CTNNA2: variants seen among roughly 807,000 people sequenced by gnomAD.
The protein encoded by CTNNA2 is catenin alpha-2.
CTNNA2 carries 42 observed loss-of-function variants against 101.0 expected under a neutral mutation model. That is an observed-to-expected ratio of 0.42 (90% CI 0.32 to 0.54). The LOEUF (loss-of-function observed/expected upper bound fraction) is 0.54. CTNNA2 is among the 20% of genes least tolerant of loss of function. The pLI is 0.14. For missense variants in CTNNA2, 871 were observed against 1,223.1 expected (o/e 0.71, Z 4.29); for synonymous variants, 450 against 456.4 (o/e 0.99, Z 0.18).
At chr2:79,721,365 A>G (rs1052062599) in intron 2 of CTNNA2, among the ~76,000 whole-genome samples, 5 of 152,196 alleles carry the variant, frequency 3.3e-5, no homozygotes, top group African/African-American at 9.6e-5. Flanking sequence ...GAGCAAAAGT[A>G]TGCTTCTCAG....
At chr2:80,055,308 C>T (rs768224914) in intron 7 of CTNNA2, among the ~76,000 whole-genome samples, 38 of 152,122 alleles carry the variant, frequency 2.5e-4, no homozygotes, top group Non-Finnish European at 4.1e-4. Context: ...GGATTACAGG[C>T]ACTTTTGACA....
chr2:79,246,602 T>C (rs945986555), intron 2 of CTNNA2, among the ~76,000 whole-genome samples: 3 of 152,198 alleles, frequency 2.0e-5, no homozygotes, highest in African/African-American at 4.8e-5. Context: ...GAATGAGACA[T>C]AGGGAAGACC....
chr2:79,304,212 T>G (rs1676179632), intron 2 of CTNNA2, among the ~76,000 whole-genome samples: 1 of 152,162 alleles, frequency 6.6e-6, no homozygotes, highest in Non-Finnish European at 1.5e-5. Context: ...CAAGGGTGAC[T>G]GAAATTCTGC....
At chr2:80,473,385 CTT>C (rs947442976) in intron 9 of CTNNA2, among the ~76,000 whole-genome samples, 20 of 152,140 alleles carry the variant, frequency 1.3e-4, no homozygotes, top group Non-Finnish European at 2.9e-5. Context: ...TCATGAAGGG[CTT>C]TTTCTAAAAT....
At chr2:80,079,532 C>T (rs1698979069) in intron 7 of CTNNA2, among the ~76,000 whole-genome samples, 2 of 152,128 alleles carry the variant, frequency 1.3e-5, no homozygotes, top group Admixed American at 6.6e-5. Flanking sequence ...CAAATGAGTC[C>T]GGCTGGGCGC....
intron 2 of CTNNA2, among the ~76,000 whole-genome samples, chr2:79,275,949 C>T (rs1227473350): frequency 1.3e-5 from 2 of 151,832 alleles, no homozygotes; most frequent in African/African-American, 4.8e-5. Context: ...TAGAATTAGG[C>T]TAGGGAGCAT....
At chr2:79,745,687 T>A (rs1356648223) in intron 3 of CTNNA2, among the ~76,000 whole-genome samples, 2 of 152,166 alleles carry the variant, frequency 1.3e-5, no homozygotes, top group Non-Finnish European at 2.9e-5. Flanking sequence ...TACATATTAG[T>A]CTTTTTTTGA....
chr2:79,434,795 A>G (rs1678696013), intron 4 of CTNNA2, among the ~76,000 whole-genome samples: 1 of 152,120 alleles, frequency 6.6e-6, no homozygotes, highest in Admixed American at 6.5e-5. Context: ...CTGAGCTAAT[A>G]CTTCACCCAC....
intron 2 of CTNNA2, among the ~76,000 whole-genome samples, chr2:79,717,630 T>G (rs1039555496): frequency 2.0e-5 from 3 of 152,192 alleles, no homozygotes; most frequent in Admixed American, 1.3e-4. Context: ...ATGACTCTGA[T>G]TCCAGAACTG....
At chr2:80,275,035 A>G (rs1470963122) in intron 7 of CTNNA2, among the ~76,000 whole-genome samples, 1 of 152,206 alleles carries the variant, frequency 6.6e-6, no homozygotes, top group Middle Eastern at 3.2e-3. Flanking sequence ...GTCACATTAG[A>G]TAATTTAGTT....
At chr2:80,054,847 G>A (rs1005709803) in intron 7 of CTNNA2, among the ~76,000 whole-genome samples, 1 of 152,128 alleles carries the variant, frequency 6.6e-6, no homozygotes, top group Non-Finnish European at 1.5e-5. Flanking sequence ...GTGGGGTACT[G>A]TAAATCTCTC....
At chr2:79,611,305 A>G (rs1476245116) in intron 1 of CTNNA2, among the ~76,000 whole-genome samples, 1 of 152,098 alleles carries the variant, frequency 6.6e-6, no homozygotes, top group African/African-American at 2.4e-5. Context: ...CTGGGCTCCT[A>G]TTATGTTAAC....
intron 4 of CTNNA2, among the ~76,000 whole-genome samples, chr2:79,431,849 C>T (rs966389599): frequency 2.0e-5 from 3 of 152,226 alleles, no homozygotes; most frequent in Admixed American, 1.3e-4. Flanking sequence ...GTTGCTCCTC[C>T]GGTGAACTAT....
chr2:80,018,233 G>A (rs748900648), intron 7 of CTNNA2, among the ~76,000 whole-genome samples: 4 of 152,112 alleles, frequency 2.6e-5, no homozygotes, highest in African/African-American at 7.2e-5. Flanking sequence ...GATACCTCCT[G>A]TCTCAAAAAG....
At chr2:80,537,735 A>G (rs1286595461) in intron 9 of CTNNA2, among the ~76,000 whole-genome samples, 34 of 152,034 alleles carry the variant, frequency 2.2e-4, no homozygotes, top group Non-Finnish European at 1.5e-5. Flanking sequence ...CTGGGATTAC[A>G]GGCATGTGCC....
At chr2:79,817,933 A>T (rs535028586) in intron 3 of CTNNA2, among the ~76,000 whole-genome samples, 1 of 152,190 alleles carries the variant, frequency 6.6e-6, no homozygotes, top group African/African-American at 2.4e-5. Context: ...GAGCTTTATG[A>T]TGACATGTGA....
At chr2:80,239,020 C>T (rs1336583580) in intron 7 of CTNNA2, among the ~76,000 whole-genome samples, 1 of 152,162 alleles carries the variant, frequency 6.6e-6, no homozygotes, top group African/African-American at 2.4e-5. Flanking sequence ...GATTTTTAGC[C>T]TGAAGACAAC....
intron 4 of CTNNA2, among the ~76,000 whole-genome samples, chr2:79,389,072 G>A (rs1678138046): frequency 6.6e-6 from 1 of 152,140 alleles, no homozygotes; most frequent in South Asian, 2.1e-4. Flanking sequence ...TATTTACATA[G>A]ACAGATATGT....
intron 1 of CTNNA2, among the ~76,000 whole-genome samples, chr2:79,526,037 A>G (rs781777374): frequency 6.6e-6 from 1 of 151,990 alleles, no homozygotes; most frequent in Non-Finnish European, 1.5e-5. Flanking sequence ...ATCCAGGTGT[A>G]TACGTTTTAT....
Sources: gnomAD v4.1 joint callset for allele counts (sites outside exome capture counted in the v4.1 genomes callset) on GRCh38, gnomAD v4.1.1 for gene constraint, MANE v1.5 for transcripts, NCBI Gene and HGNC (gene_info 2026-07-23, HGNC 2026-07-21) for gene names.